Variants in MRPL20 observed in about 807,000 individuals in gnomAD.
MRPL20 encodes the protein mitochondrial ribosomal protein L20.
In MRPL20, 21 loss-of-function variants were observed where a neutral mutation model predicts 20.0. The observed-to-expected ratio is 1.05, with a 90% CI of 0.74 to 1.51. The LOEUF (loss-of-function observed/expected upper bound fraction) is 1.51, where lower values mean the gene tolerates loss of function less well. MRPL20 is among the 40% of genes most tolerant of loss of function. The pLI is 0.00. For missense variants in MRPL20, 252 were observed against 185.6 expected, an observed-to-expected ratio of 1.36 and a Z score of -2.08; for synonymous variants, 104 against 73.0, an observed-to-expected ratio of 1.43 and a Z score of -2.17.
At chr1:1,406,853 A>G in intron 2 of MRPL20, 56 bp downstream of exon 2, 3 of 1,479,718 alleles carry the variant, frequency 2.0e-6, no homozygotes, top group South Asian at 2.3e-5. Context: ...GTCGCGGCGC[A>G]GAAACGCAGG....
intron 3 of MRPL20, among the ~76,000 whole-genome samples, chr1:1,404,385 A>G (rs1570067126): frequency 1.3e-5 from 2 of 150,432 alleles, no homozygotes; most frequent in Non-Finnish European, 1.5e-5. Context: ...CGATCTCCTG[A>G]CCTTGTGATC....
At chr1:1,407,042 A>C in intron 1 of MRPL20, 23 bp from the exon 2 acceptor site, 1 of 1,611,852 alleles carries the variant, frequency 6.2e-7, no homozygotes, top group Non-Finnish European at 8.5e-7. Context: ...ACGAGAAACC[A>C]GGGTTGTCAG....
rs1472546103 is a variant in MRPL20 at position 1,406,083 on chromosome 1, C to T, written c.199-197G>A. The T allele has an allele frequency of 8.9e-6, 6 of 675,892 alleles. No individual in the cohort carries two copies. In the South Asian group the frequency reaches 1.0e-4, roughly 11 times the overall value. The allele number at this position is 675,892 out of a possible 1,614,324, so 41.9% of individuals were successfully genotyped here. A position where few individuals can be genotyped will look rare whatever the true frequency, so the allele number is the denominator to read the frequency against. On this transcript the variant is annotated intron_variant, in intron 2 of 3. Coordinates refer to ENST00000344843, the MANE Select transcript of MRPL20 (RefSeq NM_017971.4). The stretch of plus-strand genomic sequence containing the variant: ...AAAACAGCAAAAACCCAGCTGGGCA[C>T]GGTGTCTCACGCCTGTAATCCCAGC...
Position 1,402,134 on chromosome 1 carries a change from C to T in MRPL20, c.399G>A (p.Gly133=), listed in dbSNP as rs759286195. The T allele has an allele frequency of 7.4e-6, 12 of 1,614,066 alleles. No individual in the cohort carries two copies. In the Admixed American group the frequency reaches 8.3e-5, roughly 11 times the overall value. ...AAATGCCTTCAGGTTCCTTCCCATC[C>T]CCCAAGGCAGCAGCAAATCCTTCGT... ...RRHEGFAAAL[G]DGKEPEGIFS... Residue 133 remains glycine (G), a synonymous_variant, in exon 4 of 4, where the codon GGG becomes GGA. Coordinates refer to ENST00000344843, the MANE Select transcript of MRPL20 (RefSeq NM_017971.4).
At position 1,405,790 on chromosome 1, in the gene MRPL20, C is replaced by G; in HGVS notation, c.276+19G>C. The G allele has an allele frequency of 6.2e-7, 1 of 1,614,114 alleles. No individual in the cohort carries two copies. The highest frequency in any genetic ancestry group is 8.5e-7 in the Non-Finnish European group (1 of 1,180,032). On this transcript the variant is annotated intron_variant, in intron 3 of 3. Coordinates refer to ENST00000344843, the MANE Select transcript of MRPL20 (RefSeq NM_017971.4). ...GCAGATGTCCAGAATTTCAGTGGGA[C>G]CCACATACTCACCCATACCTTAACT...
In MRPL20 at chr1:1,402,137, C is replaced by A. The variant is rs564241399; in HGVS notation, c.396G>T (p.Leu132Phe). The change falls in exon 4 of 4, where the codon TTG (leucine) becomes TTT (phenylalanine). Residue 132 changes from leucine (L) to phenylalanine (F), a missense_variant. By Grantham distance (22) the Leu-to-Phe change is conservative (BLOSUM62 0). Coordinates refer to ENST00000344843, the MANE Select transcript of MRPL20 (RefSeq NM_017971.4). ...TGCCTTCAGGTTCCTTCCCATCCCC[C>A]AAGGCAGCAGCAAATCCTTCGTGTC... ...RRRHEGFAAA[L>F]GDGKEPEGIF... 1 of 1,614,164 alleles carries A rather than the reference C, an allele frequency of 6.2e-7. No individual in the cohort carries two copies.
chr1:1,405,591 C>T (rs1645375709), intron 3 of MRPL20: 2 of 798,920 alleles, frequency 2.5e-6, no homozygotes, highest in Admixed American at 2.1e-5. Context: ...CCTTAGGCAA[C>T]GTGGTGGTCC....
intron 3 of MRPL20, chr1:1,405,558 C>G (rs1385404544): frequency 3.1e-6 from 2 of 655,172 alleles, no homozygotes; most frequent in African/African-American, 3.6e-5. Context: ...TGCTCCGTTT[C>G]CAGCCTGGGC....
In MRPL20 at chr1:1,407,267, C is replaced by T. The variant is rs761772701; in HGVS notation, c.-50G>A. On this transcript the variant is annotated 5_prime_UTR_variant, in exon 1 of 4. Transcript: ENST00000344843. ...ACACTCAACAACGCACGCGCAGCGC[C>T]GCTGCCATCTTGCCCGGGTCGGAAA... 19 of 1,485,458 alleles carry T rather than the reference C, an allele frequency of 1.3e-5. No homozygotes were observed. Among genetic ancestry groups the T allele is most frequent in the East Asian group, 2.5e-5 (1 of 40,792 alleles). The allele number at this position is 1,485,458 out of a possible 1,614,324, so 92.0% of individuals were successfully genotyped here.
At chr1:1,402,723 C>T in intron 3 of MRPL20, 2 of 766,300 alleles carry the variant, frequency 2.6e-6, no homozygotes, top group South Asian at 1.2e-4. Flanking sequence ...GGTGTCTCGC[C>T]TGTAATCCCA....
At chr1:1,406,353 G>A (rs1003576319) in intron 2 of MRPL20, 4 of 176,686 alleles carry the variant, frequency 2.3e-5, no homozygotes, top group Admixed American at 1.1e-4. Flanking sequence ...CCGTCTCGGG[G>A]TAAGAAAAAA....
At position 1,402,209 on chromosome 1, in the gene MRPL20, G is replaced by C. The variant is rs147976981; in HGVS notation, c.324C>G (p.Tyr108Ter). 6 of 1,613,850 alleles carry C rather than the reference G, an allele frequency of 3.7e-6. No homozygotes were observed. In the African/African-American group the frequency reaches 4.0e-5, roughly 11 times the overall value. The change falls in exon 4 of 4, where the codon TAC (tyrosine) becomes TAG (stop). Residue 108 changes from tyrosine to a stop codon, truncating the protein, a stop_gained. Coordinates refer to ENST00000344843, the MANE Select transcript of MRPL20 (RefSeq NM_017971.4). LOFTEE classifies it high-confidence loss of function. ...NRKVLADLAI[Y>*]EPKTFKSLAA... The stretch of plus-strand genomic sequence containing the variant: ...CCAAAGATTTGAAAGTCTTTGGCTC[G>C]TAGATGGCCAGATCCGCTAGGACTT...
rs190467058 is a variant in MRPL20 at position 1,405,554 on chromosome 1, G to A, written c.276+255C>T. On this transcript the variant is annotated intron_variant, in intron 3 of 3. Coordinates refer to ENST00000344843, the MANE Select transcript of MRPL20 (RefSeq NM_017971.4). ...CAACATGGGAATTGTGACCTGCTCC[G>A]TTTCCAGCCTGGGCTGGTTCACCCC... 521 of 650,348 alleles carry A rather than the reference G, an allele frequency of 8.0e-4. 1 individual carries two copies. Among genetic ancestry groups the A allele is most frequent in the Non-Finnish European group, 1.1e-3 (401 of 362,904 alleles). 40.3% of individuals were successfully genotyped at this position (650,348 alleles called of 1,614,324 possible).
chr1:1,401,976 C>T lies in MRPL20; in HGVS notation c.*107G>A, dbSNP rs534884295. 67 of 1,272,348 alleles carry T rather than the reference C, an allele frequency of 5.3e-5. No homozygotes were observed. In the South Asian group the frequency reaches 8.6e-4, roughly 16 times the overall value. The allele number at this position is 1,272,348 out of a possible 1,614,324, so 78.8% of individuals were successfully genotyped here. A position where few individuals can be genotyped will look rare whatever the true frequency, so the allele number is the denominator to read the frequency against. Reference sequence around the variant, plus strand: ...TCTGTGAGGCTCTGTCCCAGAGAGACAGGGCCATCCCTCATGTCTGTTATT... The same window carrying T: ...TCTGTGAGGCTCTGTCCCAGAGAGATAGGGCCATCCCTCATGTCTGTTATT... On this transcript the variant is annotated 3_prime_UTR_variant, in exon 4 of 4. Transcript: ENST00000344843.
chr1:1,405,667 C>G, intron 3 of MRPL20, 142 bp downstream of exon 3: 1 of 1,455,394 alleles, frequency 6.9e-7, no homozygotes, highest in Non-Finnish European at 9.6e-7. Context: ...GCATAGCAAA[C>G]TACAGCCCAG....
chr1:1,406,073 C>T (rs1335103311), intron 2 of MRPL20, 187 bp from the exon 3 acceptor site: 19 of 800,240 alleles, frequency 2.4e-5, no homozygotes, highest in Non-Finnish European at 3.6e-5. Flanking sequence ...AGCAAAAACC[C>T]AGCTGGGCAC....
Position 1,405,893 on chromosome 1 carries a change from TAAG to T in MRPL20, c.199-10_199-8del, listed in dbSNP as rs1391593894. On this transcript the variant is annotated splice_polypyrimidine_tract_variant and splice_region_variant and intron_variant, in intron 2 of 3. Transcript: ENST00000344843. ...TAATTCGATTAATCCAGAGCTGAAATAAGAAAACATGAAGATACTTAAAAATGA... is the reference window on the plus strand; with the variant it reads ...TAATTCGATTAATCCAGAGCTGAAATAAAACATGAAGATACTTAAAAATGA... 3.7e-6 allele frequency: 6 copies of T among 1,604,718 alleles called. No individual in the cohort carries two copies. The highest frequency in any genetic ancestry group is 5.1e-6 in the Non-Finnish European group (6 of 1,173,152).
At chr1:1,403,266 C>T (rs947287075) in intron 3 of MRPL20, among the ~76,000 whole-genome samples, 2 of 151,478 alleles carry the variant, frequency 1.3e-5, no homozygotes, top group Admixed American at 6.6e-5. Flanking sequence ...TTTTTTGAAA[C>T]AGAGTCTCAC....
At chr1:1,406,433 G>C (rs1439511255) in intron 2 of MRPL20, 1 of 201,110 alleles carries the variant, frequency 5.0e-6, no homozygotes, top group Non-Finnish European at 1.0e-5. Context: ...TAATGAGGCG[G>C]CACGTGGACA....
Sources: gnomAD v4.1 joint callset for allele counts (sites outside exome capture counted in the v4.1 genomes callset) on GRCh38, gnomAD v4.1.1 for gene constraint, MANE v1.5 for transcripts, NCBI Gene and HGNC (gene_info 2026-07-23, HGNC 2026-07-21) for gene names.